Variants in ATXN10 observed in about 807,000 individuals in gnomAD.
ATXN10 encodes the protein ataxin-10.
ATXN10 carries 28 observed loss-of-function variants against 52.9 expected under a neutral mutation model. The ratio of observed to expected loss-of-function variants is 0.53; its 90% CI spans 0.39 to 0.73. The LOEUF (loss-of-function observed/expected upper bound fraction) is 0.73. Ranked by LOEUF, ATXN10 falls within the 30% of genes least tolerant of loss-of-function variation. The pLI is 0.00. For missense variants in ATXN10, 565 were observed against 577.0 expected (o/e 0.98, Z 0.21); for synonymous variants, 226 against 221.5 (o/e 1.02, Z -0.18).
intron 5 of ATXN10, among the ~76,000 whole-genome samples, chr22:45,703,105 G>C (rs1433531868): frequency 6.6e-6 from 1 of 152,108 alleles, no homozygotes; most frequent in Non-Finnish European, 1.5e-5. Context: ...AGACATTCTT[G>C]GTGTATGAAA....
intron 5 of ATXN10, among the ~76,000 whole-genome samples, chr22:45,716,940 T>G (rs1271428639): frequency 6.6e-6 from 1 of 152,174 alleles, no homozygotes; most frequent in Non-Finnish European, 1.5e-5. Context: ...TGAGGCAACT[T>G]TCTTCACCTG....
rs2146807555 is a variant in ATXN10 at position 45,744,436 on chromosome 22, G to A, written c.1173+3898G>A. ...TCTTTTCATCTGCTTTAGTTTGTTG[G>A]AGCCTTATGATACCTCTGTGGAAAG... On this transcript the variant is annotated intron_variant, in intron 9 of 11. Transcript: ENST00000252934. The surrounding 1 kb of genome is among the most constrained non-coding windows in gnomAD (Gnocchi z 4.9). 6.6e-6 allele frequency: 1 copy of A among 152,226 alleles called. No individual in the cohort carries two copies. Among genetic ancestry groups the A allele is most frequent in the South Asian group, 2.1e-4 (1 of 4,814 alleles). 9.4% of individuals were successfully genotyped at this position (152,226 alleles called of 1,614,324 possible).
intron 10 of ATXN10, among the ~76,000 whole-genome samples, chr22:45,836,061 A>T (rs940514443): frequency 6.6e-6 from 1 of 152,216 alleles, no homozygotes; most frequent in Non-Finnish European, 1.5e-5. Context: ...TACCAGATAG[A>T]CCAACAATTT....
intron 9 of ATXN10, 163 bp downstream of exon 9, chr22:45,740,701 C>G: frequency 1.2e-5 from 5 of 418,576 alleles, no homozygotes; most frequent in Non-Finnish European, 1.7e-5. Context: ...CACACACACA[C>G]ACACACACAC....
In ATXN10 at chr22:45,789,703, GC is replaced by G. The variant is rs1463473265; in HGVS notation, c.1174-17255del. 6.6e-6 allele frequency among the ~76,000 whole-genome samples: 1 copy of G among 152,186 alleles called. No homozygotes were observed. Among genetic ancestry groups the G allele is most frequent in the African/African-American group, 2.4e-5 (1 of 41,426 alleles). On this transcript the variant is annotated intron_variant, in intron 9 of 11. Transcript: ENST00000252934. This position sits in a 1 kb window ranked among gnomAD's most constrained non-coding sequence, Gnocchi z 4.0. Reference sequence around the variant, plus strand: ...TGGTGGTGGTGCACTGATGTGTTGGGCTTTAGCTTTGGCCGTTAGGGATGTA... The same window carrying G: ...TGGTGGTGGTGCACTGATGTGTTGGGTTTAGCTTTGGCCGTTAGGGATGTA...
intron 9 of ATXN10, among the ~76,000 whole-genome samples, chr22:45,760,123 C>T (rs1395564010): frequency 6.6e-6 from 1 of 152,170 alleles, no homozygotes; most frequent in Non-Finnish European, 1.5e-5. Context: ...TTAGACTTCC[C>T]TGGGAGCAGT....
At chr22:45,834,048 T>G (rs1203971819) in intron 10 of ATXN10, among the ~76,000 whole-genome samples, 4 of 152,204 alleles carry the variant, frequency 2.6e-5, no homozygotes, top group Non-Finnish European at 5.9e-5. Context: ...GCTTTCACAC[T>G]TAGAACAGCC....
rs1356106238 is a variant in ATXN10 at position 45,715,615 on chromosome 22, AG to A, written c.648-2795del. Among the ~76,000 whole-genome samples the A allele has an allele frequency of 6.6e-6, 1 of 152,222 alleles. No individual in the cohort carries two copies. The highest frequency in any genetic ancestry group is 2.4e-5 in the African/African-American group (1 of 41,448). ...GACAATTCTTCTTCCAGTGTGGCCC[AG>A]GGAAGCCAAAAGATTGGACACCGCT... On this transcript the variant is annotated intron_variant, in intron 5 of 11. Coordinates refer to ENST00000252934, the MANE Select transcript of ATXN10 (RefSeq NM_013236.4). This position sits in a 1 kb window ranked among gnomAD's most constrained non-coding sequence, Gnocchi z 4.4.
At position 45,762,444 on chromosome 22, in the gene ATXN10, C is replaced by T. The variant is rs1272673871; in HGVS notation, c.1173+21906C>T. Reference sequence around the variant, plus strand: ...GACCACAGCAGCAGGATTCTTTCCACGGTGCATGTTCTGGCTGAGTGTTGG... The same window carrying T: ...GACCACAGCAGCAGGATTCTTTCCATGGTGCATGTTCTGGCTGAGTGTTGG... On this transcript the variant is annotated intron_variant, in intron 9 of 11. Transcript: ENST00000252934. This position sits in a 1 kb window ranked among gnomAD's most constrained non-coding sequence, Gnocchi z 4.3. Among the ~76,000 whole-genome samples the T allele has an allele frequency of 2.0e-5, 3 of 152,200 alleles. No individual in the cohort carries two copies. Among genetic ancestry groups the T allele is most frequent in the East Asian group, 1.9e-4 (1 of 5,192 alleles).
rs1923601629 is a variant in ATXN10 at position 45,696,267 on chromosome 22, A to G, written c.391+3189A>G. 6.6e-6 allele frequency among the ~76,000 whole-genome samples: 1 copy of G among 152,206 alleles called. No homozygotes were observed. The highest frequency in any genetic ancestry group is 2.4e-5 in the African/African-American group (1 of 41,446). ...AGTAAAGTCCGTGTTTCACAGTGTC[A>G]CTTGGAAGGGCAGCTATTTTGAGGT... On this transcript the variant is annotated intron_variant, in intron 3 of 11. Coordinates refer to ENST00000252934, the MANE Select transcript of ATXN10 (RefSeq NM_013236.4). The surrounding 1 kb of genome is among the most constrained non-coding windows in gnomAD (Gnocchi z 4.7).
intron 7 of ATXN10, among the ~76,000 whole-genome samples, chr22:45,734,970 C>T (rs1322122116): frequency 5.3e-5 from 8 of 151,534 alleles, no homozygotes; most frequent in African/African-American, 1.5e-4. Flanking sequence ...CTGCAACCTC[C>T]GTCTCCCAGG....
At chr22:45,720,034 A>T (rs1160392208) in intron 6 of ATXN10, among the ~76,000 whole-genome samples, 1 of 152,226 alleles carries the variant, frequency 6.6e-6, no homozygotes, top group Non-Finnish European at 1.5e-5. Flanking sequence ...TGAATGAATG[A>T]ATATTCTTAC....
At chr22:45,691,807 C>G (rs928790604) in intron 2 of ATXN10, among the ~76,000 whole-genome samples, 4 of 152,180 alleles carry the variant, frequency 2.6e-5, no homozygotes, top group African/African-American at 9.7e-5. Flanking sequence ...GCAGGAGAAT[C>G]ACTTGAACGG....
Position 45,784,617 on chromosome 22 carries a change from C to T in ATXN10, c.1174-22342C>T, listed in dbSNP as rs1927260542. Among the ~76,000 whole-genome samples, 1 of 152,098 alleles carries T rather than the reference C, an allele frequency of 6.6e-6. No homozygotes were observed. Among genetic ancestry groups the T allele is most frequent in the African/African-American group, 2.4e-5 (1 of 41,422 alleles). ...GGAGAAGGGACAGGAGGCTGGCTTC[C>T]TGTGGGCTCGCCTGTCGACCCCCTC... On this transcript the variant is annotated intron_variant, in intron 9 of 11. Coordinates refer to ENST00000252934, the MANE Select transcript of ATXN10 (RefSeq NM_013236.4). This position sits in a 1 kb window ranked among gnomAD's most constrained non-coding sequence, Gnocchi z 4.2.
In ATXN10 at chr22:45,776,505, C is replaced by CT. The variant is rs745990618; in HGVS notation, c.1174-30441dup. On this transcript the variant is annotated intron_variant, in intron 9 of 11. Transcript: ENST00000252934. ...TCATATAATTTGCACTCCCTGATAC[C>CT]TTTTTTTTTTTTTAATGTCAAAGTT... Among the ~76,000 whole-genome samples the CT allele has an allele frequency of 4.6e-3, 657 of 143,274 alleles. 5 individuals are homozygous for CT. Among genetic ancestry groups the CT allele is most frequent in the African/African-American group, 0.013 (502 of 39,188 alleles). 94.0% of individuals were successfully genotyped at this position (143,274 alleles called of 152,430 possible). A position where few individuals can be genotyped will look rare whatever the true frequency, so the allele number is the denominator to read the frequency against.
Position 45,784,924 on chromosome 22 carries a change from G to T in ATXN10, c.1174-22035G>T, listed in dbSNP as rs1196105168. Among the ~76,000 whole-genome samples, 1 of 152,214 alleles carries T rather than the reference G, an allele frequency of 6.6e-6. No individual in the cohort carries two copies. The highest frequency in any genetic ancestry group is 2.4e-5 in the African/African-American group (1 of 41,450). ...GAGTTAAAAATTAAAGACTGAATGT[G>T]TTCATGACAGAATTCTGTTTGTTCA... is the stretch of plus-strand genomic sequence containing the variant. On this transcript the variant is annotated intron_variant, in intron 9 of 11. Transcript: ENST00000252934. This position sits in a 1 kb window ranked among gnomAD's most constrained non-coding sequence, Gnocchi z 4.2.
intron 9 of ATXN10, among the ~76,000 whole-genome samples, chr22:45,765,510 A>G (rs1926551067): frequency 6.6e-6 from 1 of 152,086 alleles, no homozygotes; most frequent in Admixed American, 6.5e-5. Flanking sequence ...ATCAGCTGGG[A>G]CTGAGGGGTT....
At chr22:45,767,588 G>T (rs1926630169) in intron 9 of ATXN10, among the ~76,000 whole-genome samples, 1 of 151,936 alleles carries the variant, frequency 6.6e-6, no homozygotes, top group Non-Finnish European at 1.5e-5. Flanking sequence ...TTCTTTGAGT[G>T]TGCCTGTTTT....
chr22:45,770,852 A>G lies in ATXN10; in HGVS notation c.1173+30314A>G, dbSNP rs1043658793. 5.7e-4 allele frequency among the ~76,000 whole-genome samples: 87 copies of G among 152,240 alleles called. 1 individual carries two copies. The highest frequency in any genetic ancestry group is 1.9e-3 in the African/African-American group (78 of 41,542). On this transcript the variant is annotated intron_variant, in intron 9 of 11. Coordinates refer to ENST00000252934, the MANE Select transcript of ATXN10 (RefSeq NM_013236.4). The surrounding 1 kb of genome is among the most constrained non-coding windows in gnomAD (Gnocchi z 4.5). ...GTCCCATGGCCTGGGAATACCCCCA[A>G]ATTCCCTCCCTGATCCCTGAGTAGC... is the stretch of plus-strand genomic sequence containing the variant.
Sources: allele counts gnomAD v4.1 joint callset (sites outside exome capture counted in the v4.1 genomes callset), GRCh38; gene constraint gnomAD v4.1.1; non-coding constraint Gnocchi (gnomAD v3.1); transcripts MANE v1.5; gene names NCBI Gene and HGNC (gene_info 2026-07-23, HGNC 2026-07-21).